The following C11orf68 variants were observed in gnomAD, a reference collection of about 807,000 sequenced individuals.
C11orf68 encodes the protein chromosome 11 open reading frame 68.
Under a neutral mutation model 4.7 loss-of-function variants are expected in C11orf68, and 3 were observed. The observed-to-expected ratio is 0.64, with a 90% CI of 0.29 to 1.66. The LOEUF is 1.66. Ranked by LOEUF, C11orf68 falls within the 40% of genes most tolerant of loss-of-function variation. The pLI, the probability that C11orf68 is intolerant of heterozygous loss-of-function variation, is 0.10. For synonymous variants in C11orf68, 186 were observed against 167.8 expected, an observed-to-expected ratio of 1.11 and a Z score of -0.84; for missense variants, 422 against 408.0, an observed-to-expected ratio of 1.03 and a Z score of -0.30.
intron 1 of C11orf68, among the ~76,000 whole-genome samples, chr11:65,918,616 A>G (rs1418956269): frequency 6.6e-6 from 1 of 151,882 alleles, no homozygotes; most frequent in Non-Finnish European, 1.5e-5. Context: ...CTGGCATTTA[A>G]TAGAGGAACG....
In C11orf68 at chr11:65,919,026, C is replaced by T. The variant is rs983342326; in HGVS notation, c.6G>A (p.Ala2=). The T allele has an allele frequency of 8.8e-7, 1 of 1,139,816 alleles. No individual in the cohort carries two copies. Among genetic ancestry groups the T allele is most frequent in the African/African-American group, 1.6e-5 (1 of 60,748 alleles). 70.6% of individuals were successfully genotyped at this position (1,139,816 alleles called of 1,614,324 possible). A position where few individuals can be genotyped will look rare whatever the true frequency, so the allele number is the denominator to read the frequency against. Residue 2 remains alanine, a synonymous_variant, in exon 1 of 2, where the codon GCG becomes GCA. Coordinates refer to ENST00000438576, the MANE Select transcript of C11orf68 (RefSeq NM_001135635.2). M[A]AAAAAAVAGV... is the part of the protein sequence containing the mutation. The stretch of plus-strand genomic sequence containing the variant: ...CCGCCACGGCCGCCGCCGCCGCCGC[C>T]GCCATCTTAGCGCCGCGCCACCTCA...
intron 1 of C11orf68, 54 bp from the exon 2 acceptor site, chr11:65,918,272 G>A: frequency 4.8e-6 from 7 of 1,462,276 alleles, no homozygotes; most frequent in Non-Finnish European, 6.3e-6. Flanking sequence ...CAGATGCCAG[G>A]CACTGGATTA....
chr11:65,918,223 G>C lies in C11orf68; in HGVS notation c.123-5C>G. The C allele has an allele frequency of 6.6e-7, 1 of 1,511,874 alleles. No homozygotes were observed. The highest frequency in any genetic ancestry group is 1.4e-5 in the African/African-American group (1 of 71,846). 93.7% of individuals were successfully genotyped at this position (1,511,874 alleles called of 1,614,324 possible). On this transcript the variant is annotated splice_region_variant and splice_polypyrimidine_tract_variant and intron_variant, in intron 1 of 1. Coordinates refer to ENST00000438576, the MANE Select transcript of C11orf68 (RefSeq NM_001135635.2). ...TCCTCACCTGGTTCCATCCTGCTGT[G>C]AGGGAACCGAGTCAGGGCAGGGTCT...
chr11:65,917,441 C>G lies in C11orf68; in HGVS notation c.*18G>C. ...CAGCATGGAGGGGGGAGTGGGCAGT[C>G]TCCCCAATTTGGCCCCCCTAGGTCA... is the stretch of plus-strand genomic sequence containing the variant. On this transcript the variant is annotated 3_prime_UTR_variant, in exon 2 of 2. Coordinates refer to ENST00000438576, the MANE Select transcript of C11orf68 (RefSeq NM_001135635.2). The G allele has an allele frequency of 4.4e-6, 7 of 1,583,694 alleles. No homozygotes were observed. Among genetic ancestry groups the G allele is most frequent in the Non-Finnish European group, 6.0e-6 (7 of 1,163,346 alleles).
In C11orf68 at chr11:65,918,103, G is replaced by C; in HGVS notation, c.238C>G (p.Leu80Val). The change falls in exon 2 of 2, where the codon CTA becomes GTA. Residue 80 changes from leucine (L) to valine (V), a missense_variant. By Grantham distance (32) the Leu-to-Val change is conservative. Transcript: ENST00000438576. Reference sequence around the variant, plus strand: ...GGCGTTGTGCGGGCATCAAACACTAGCCAGGGGTCCATGTCAGCTGCCATG... The same window carrying C: ...GGCGTTGTGCGGGCATCAAACACTACCCAGGGGTCCATGTCAGCTGCCATG... ...EAMAADMDPW[L>V]VFDARTTPAT... is the part of the protein sequence containing the mutation. 3 of 1,609,714 alleles carry C rather than the reference G, an allele frequency of 1.9e-6. No individual in the cohort carries two copies. The highest frequency in any genetic ancestry group is 2.5e-6 in the Non-Finnish European group (3 of 1,177,910).
At chr11:65,918,276 T>C in intron 1 of C11orf68, 58 bp from the exon 2 acceptor site, 1 of 1,451,538 alleles carries the variant, frequency 6.9e-7, no homozygotes, top group Non-Finnish European at 9.0e-7. Flanking sequence ...TGCCAGGCAC[T>C]GGATTAAACT....
At position 65,917,541 on chromosome 11, in the gene C11orf68, A is replaced by G; in HGVS notation, c.800T>C (p.Leu267Pro). The change falls in exon 2 of 2, where the codon CTC (leucine) becomes CCC (proline). Residue 267 changes from leucine to proline, a missense_variant. By Grantham distance (98) the Leu-to-Pro change is moderately conservative. Transcript: ENST00000438576. ...CCCAAGCTGGAAACGGCTCTCATAG[A>G]GAGTGGGGCAGAGGTGCCAGCGATT... Reference protein sequence around the residue: ...RANRWHLCPTLYESRFQLGGS... With the variant: ...RANRWHLCPTPYESRFQLGGS... 1.2e-6 allele frequency: 2 copies of G among 1,613,988 alleles called. No individual in the cohort carries two copies. The highest frequency in any genetic ancestry group is 1.7e-6 in the Non-Finnish European group (2 of 1,179,998).
Position 65,918,185 on chromosome 11 carries a change from C to T in C11orf68, c.156G>A (p.Glu52=), listed in dbSNP as rs572025542. ...RMEPGEELEE[E]GSPGGREDGF... ...CATCCTCACGGCCACCTGGAGAGCC[C>T]TCCTCTTCCAGCTCCTCACCTGGTT... The change falls in exon 2 of 2, where the codon GAG becomes GAA. Residue 52 remains glutamate, a synonymous_variant. Coordinates refer to ENST00000438576, the MANE Select transcript of C11orf68 (RefSeq NM_001135635.2). 3 of 1,540,432 alleles carry T rather than the reference C, an allele frequency of 1.9e-6. No homozygotes were observed. Among genetic ancestry groups the T allele is most frequent in the Non-Finnish European group, 2.6e-6 (3 of 1,146,042 alleles).
rs566006885 is a variant in C11orf68, at chr11:65,918,851, G to A, written c.122+59C>T. ...CGCGCCCGCCGCCATTAACGCCCACGGGCCCGAGCTGTGCTCCCGCCCCGG... is the reference window on the plus strand; with the variant it reads ...CGCGCCCGCCGCCATTAACGCCCACAGGCCCGAGCTGTGCTCCCGCCCCGG... On this transcript the variant is annotated intron_variant, in intron 1 of 1. Coordinates refer to ENST00000438576, the MANE Select transcript of C11orf68 (RefSeq NM_001135635.2). The A allele has an allele frequency of 1.5e-5, 17 of 1,124,010 alleles. 1 individual carries two copies. The East Asian group carries it at 3.6e-4, about 24-fold the overall frequency. The allele number at this position is 1,124,010 out of a possible 1,614,324, so 69.6% of individuals were successfully genotyped here.
In C11orf68 at chr11:65,917,191, C is replaced by G; in HGVS notation, c.*268G>C. ...TCCTTCTAGGTGTCTGCACCCAACT[C>G]ATGGTGCTGGGCAGTGGAGAGGAGC... On this transcript the variant is annotated 3_prime_UTR_variant, in exon 2 of 2. Coordinates refer to ENST00000438576, the MANE Select transcript of C11orf68 (RefSeq NM_001135635.2). 1 of 455,420 alleles carries G rather than the reference C, an allele frequency of 2.2e-6. No homozygotes were observed. The highest frequency in any genetic ancestry group is 1.9e-5 in the African/African-American group (1 of 51,554). 28.2% of individuals were successfully genotyped at this position (455,420 alleles called of 1,614,324 possible). A position where few individuals can be genotyped will look rare whatever the true frequency, so the allele number is the denominator to read the frequency against.
At position 65,917,944 on chromosome 11, in the gene C11orf68, C is replaced by G. The variant is rs766199663; in HGVS notation, c.397G>C (p.Gly133Arg). The G allele has an allele frequency of 6.2e-7, 1 of 1,607,630 alleles. No homozygotes were observed. The highest frequency in any genetic ancestry group is 1.7e-5 in the Admixed American group (1 of 60,006). ...VYGQGYSPNS[G>R]DVQGLQAAWE... is the part of the protein sequence containing the mutation. Reference sequence around the variant, plus strand: ...GCTGCCTGCAGGCCCTGCACGTCCCCGGAGTTGGGGCTGTAGCCCTGCCCA... The same window carrying G: ...GCTGCCTGCAGGCCCTGCACGTCCCGGGAGTTGGGGCTGTAGCCCTGCCCA... Residue 133 changes from glycine (G) to arginine (R), a missense_variant, in exon 2 of 2, where the codon GGG (glycine) becomes CGG (arginine). By Grantham distance (125) the Gly-to-Arg change is moderately radical (BLOSUM62 -2). Coordinates refer to ENST00000438576, the MANE Select transcript of C11orf68 (RefSeq NM_001135635.2).
At chr11:65,918,278 G>T in intron 1 of C11orf68, 60 bp from the exon 2 acceptor site, 1 of 1,451,152 alleles carries the variant, frequency 6.9e-7, no homozygotes. Flanking sequence ...CCAGGCACTG[G>T]ATTAAACTGT....
At chr11:65,918,278 G>A in intron 1 of C11orf68, 60 bp from the exon 2 acceptor site, 1 of 1,451,152 alleles carries the variant, frequency 6.9e-7, no homozygotes, top group Non-Finnish European at 9.0e-7. Context: ...CCAGGCACTG[G>A]ATTAAACTGT....
At position 65,917,509 on chromosome 11, in the gene C11orf68, C is replaced by T; in HGVS notation, c.832G>A (p.Ala278Thr). 1 of 1,613,898 alleles carries T rather than the reference C, an allele frequency of 6.2e-7. No homozygotes were observed. The highest frequency in any genetic ancestry group is 1.1e-5 in the South Asian group (1 of 91,072). The change falls in exon 2 of 2, where the codon GCC becomes ACC. Residue 278 changes from alanine to threonine, a missense_variant. Transcript: ENST00000438576. Reference sequence around the variant, plus strand: ...CGGTCAAGCACTCGGGAGCCACGGGCACTACCCCCAAGCTGGAAACGGCTC... The same window carrying T: ...CGGTCAAGCACTCGGGAGCCACGGGTACTACCCCCAAGCTGGAAACGGCTC... ...YESRFQLGGS[A>T]RGSRVLDRAN...
At position 65,918,149 on chromosome 11, in the gene C11orf68, G is replaced by C. The variant is rs745631066; in HGVS notation, c.192C>G (p.Ala64=). 1.3e-6 allele frequency: 2 copies of C among 1,575,404 alleles called. No individual in the cohort carries two copies. The highest frequency in any genetic ancestry group is 1.2e-5 in the South Asian group (1 of 84,648). The change falls in exon 2 of 2, where the codon GCC becomes GCG. Residue 64 remains alanine (A), a synonymous_variant. Transcript: ENST00000438576. ...CCATGGCCTCTGCAGCCAGGTGCTC[G>C]GCGGTGAAGCCATCCTCACGGCCAC... ...SPGGREDGFT[A]EHLAAEAMAA...
At chr11:65,918,886 GC>G in intron 1 of C11orf68, 23 bp downstream of exon 1, 1 of 1,242,808 alleles carries the variant, frequency 8.0e-7, no homozygotes, top group Non-Finnish European at 1.0e-6. Context: ...GCCCTGCCCT[GC>G]CCCTCCCGCC....
At position 65,918,043 on chromosome 11, in the gene C11orf68, G is replaced by C. The variant is rs1016551148; in HGVS notation, c.298C>G (p.Pro100Ala). ...CCATAGCGGGTAACTTGGGATGGTG[G>C]GTACTTGGCCAGCCAGGCATCCAGC... Reference protein sequence around the residue: ...TELDAWLAKYPPSQVTRYGDP... With the variant: ...TELDAWLAKYAPSQVTRYGDP... The change falls in exon 2 of 2, where the codon CCA becomes GCA. Residue 100 changes from proline (P) to alanine (A), a missense_variant. Transcript: ENST00000438576. 1.2e-6 allele frequency: 2 copies of C among 1,608,548 alleles called. No homozygotes were observed. Among genetic ancestry groups the C allele is most frequent in the Admixed American group, 1.7e-5 (1 of 59,422 alleles).
At position 65,917,254 on chromosome 11, in the gene C11orf68, G is replaced by T. The variant is rs764101985; in HGVS notation, c.*205C>A. The T allele has an allele frequency of 1.8e-4, 114 of 627,284 alleles. No individual in the cohort carries two copies. The highest frequency in any genetic ancestry group is 4.4e-4 in the Middle Eastern group (1 of 2,266). 38.9% of individuals were successfully genotyped at this position (627,284 alleles called of 1,614,324 possible). The stretch of plus-strand genomic sequence containing the variant: ...GGAGGCTGAAGGCTCATCCCTCAGG[G>T]AACCGGAGCCCCCCAGCCTGTGGGG... On this transcript the variant is annotated 3_prime_UTR_variant, in exon 2 of 2. Transcript: ENST00000438576.
Position 65,917,417 on chromosome 11 carries a change from A to C in C11orf68, c.*42T>G. On this transcript the variant is annotated 3_prime_UTR_variant, in exon 2 of 2. Transcript: ENST00000438576. The stretch of plus-strand genomic sequence containing the variant: ...GAGGAAGACAGGAGGATCCAACCCC[A>C]GCATGGAGGGGGGAGTGGGCAGTCT... 1.3e-6 allele frequency: 2 copies of C among 1,563,796 alleles called. No homozygotes were observed. Among genetic ancestry groups the C allele is most frequent in the Admixed American group, 1.8e-5 (1 of 55,718 alleles).
Sources: gnomAD v4.1 joint callset for allele counts (sites outside exome capture counted in the v4.1 genomes callset) on GRCh38, gnomAD v4.1.1 for gene constraint, MANE v1.5 for transcripts, NCBI Gene and HGNC (gene_info 2026-07-23, HGNC 2026-07-21) for gene names.